The following TTLL11 variants were observed in gnomAD, a reference collection of about 807,000 sequenced individuals.
TTLL11 encodes tubulin tyrosine ligase like 11.
In TTLL11, 42 loss-of-function variants were observed where a neutral mutation model predicts 51.7. The ratio of observed to expected loss-of-function variants is 0.81; its 90% CI spans 0.64 to 1.05. The LOEUF (loss-of-function observed/expected upper bound fraction) is 1.05. Ranked by LOEUF, TTLL11 falls within the 50% of genes least tolerant of loss-of-function variation. The pLI is 0.00. For missense variants in TTLL11, 799 were observed against 940.4 expected (o/e 0.85, Z 1.97); for synonymous variants, 381 against 383.5 (o/e 0.99, Z 0.08).
intron 1 of TTLL11, among the ~76,000 whole-genome samples, chr9:122,085,033 G>A (rs1846090424): frequency 1.3e-5 from 2 of 152,182 alleles, no homozygotes; most frequent in Admixed American, 6.5e-5. Context: ...GCTGAGGCGG[G>A]CAGATCATCT....
intron 6 of TTLL11, among the ~76,000 whole-genome samples, chr9:121,973,320 G>A (rs1842620915): frequency 1.3e-5 from 2 of 152,280 alleles, no homozygotes; most frequent in South Asian, 2.1e-4. Context: ...CTGCAAGAGT[G>A]TAAACATGAA....
Position 122,041,960 on chromosome 9 carries a change from C to A in TTLL11, c.463-2592G>T, listed in dbSNP as rs1489196922. 7.7e-5 allele frequency among the ~76,000 whole-genome samples: 11 copies of A among 142,588 alleles called. No individual in the cohort carries two copies. The East Asian group carries it at 2.2e-3, about 29-fold the overall frequency. 93.5% of individuals were successfully genotyped at this position (142,588 alleles called of 152,430 possible). ...TGGAATTACAAGGGACCCCAAATAG[C>A]AAAAACAATCTTGAAAAAAAAAAAA... is the stretch of plus-strand genomic sequence containing the variant. On this transcript the variant is annotated intron_variant, in intron 1 of 8. Coordinates refer to ENST00000321582, the MANE Select transcript of TTLL11 (RefSeq NM_001139442.2).
In TTLL11 at chr9:121,819,244, G is replaced by A; in HGVS notation, c.*3343C>T. On this transcript the variant is annotated 3_prime_UTR_variant, in exon 9 of 9. Coordinates refer to ENST00000321582, the MANE Select transcript of TTLL11 (RefSeq NM_001139442.2). ...ATTTTGGCCAGGCCGTGAGGACAAA[G>A]CTCCCGCCCCTAACAACAGAAATGC... is the stretch of plus-strand genomic sequence containing the variant. The A allele has an allele frequency of 6.6e-6, 1 of 152,442 alleles. No individual in the cohort carries two copies. Among genetic ancestry groups the A allele is most frequent in the Non-Finnish European group, 1.5e-5 (1 of 68,170 alleles). The allele number at this position is 152,442 out of a possible 1,614,324, so 9.4% of individuals were successfully genotyped here. A position where few individuals can be genotyped will look rare whatever the true frequency, so the allele number is the denominator to read the frequency against.
chr9:121,845,511 G>GT (rs1398673839), intron 8 of TTLL11, among the ~76,000 whole-genome samples: 1 of 152,088 alleles, frequency 6.6e-6, no homozygotes, highest in Non-Finnish European at 1.5e-5. Context: ...ACAATAAAAT[G>GT]TTTTTTCTTA....
At chr9:121,968,392 A>G (rs1162856751) in intron 6 of TTLL11, among the ~76,000 whole-genome samples, 1 of 152,214 alleles carries the variant, frequency 6.6e-6, no homozygotes, top group Non-Finnish European at 1.5e-5. Context: ...AGAACCTTGC[A>G]TTGGTAACCA....
Position 121,995,606 on chromosome 9 carries a change from G to T in TTLL11, c.694-5836C>A, listed in dbSNP as rs1183412912. On this transcript the variant is annotated intron_variant, in intron 3 of 8. Coordinates refer to ENST00000321582, the MANE Select transcript of TTLL11 (RefSeq NM_001139442.2). This position sits in a 1 kb window ranked among gnomAD's most constrained non-coding sequence, Gnocchi z 4.4. ...TTAGGGACTACAGGGAGAGGAGCAG[G>T]TCTCATTGAAGGAAAGTGGGGACAA... Among the ~76,000 whole-genome samples, 1 of 152,142 alleles carries T rather than the reference G, an allele frequency of 6.6e-6. No individual in the cohort carries two copies. The highest frequency in any genetic ancestry group is 2.4e-5 in the African/African-American group (1 of 41,408).
At chr9:122,040,712 C>T (rs968888044) in intron 1 of TTLL11, among the ~76,000 whole-genome samples, 1 of 152,202 alleles carries the variant, frequency 6.6e-6, no homozygotes, top group Non-Finnish European at 1.5e-5. Flanking sequence ...ATACATTCCA[C>T]ATTAAAATGA....
chr9:121,965,684 C>G (rs1047306503), intron 6 of TTLL11, among the ~76,000 whole-genome samples: 1 of 152,178 alleles, frequency 6.6e-6, no homozygotes, highest in Non-Finnish European at 1.5e-5. Context: ...AATCTATTCT[C>G]CAGTCAGAAA....
Position 122,021,197 on chromosome 9 carries a change from G to A in TTLL11, c.693+10526C>T, listed in dbSNP as rs565999469. Among the ~76,000 whole-genome samples the A allele has an allele frequency of 2.0e-5, 3 of 152,220 alleles. No homozygotes were observed. The South Asian group carries it at 6.2e-4, about 32-fold the overall frequency. Reference sequence around the variant, plus strand: ...AGGAATTGAACGATGTGAACCCTAGGATTGCCTCAGATTACTGCCTTGAGA... The same window carrying A: ...AGGAATTGAACGATGTGAACCCTAGAATTGCCTCAGATTACTGCCTTGAGA... On this transcript the variant is annotated intron_variant, in intron 3 of 8. Transcript: ENST00000321582.
chr9:122,063,751 G>A (rs1202276431), intron 1 of TTLL11, among the ~76,000 whole-genome samples: 4 of 152,142 alleles, frequency 2.6e-5, no homozygotes, highest in Non-Finnish European at 5.9e-5. Flanking sequence ...ATTCATCCCA[G>A]TTTGCCCAGG....
At chr9:121,888,566 A>T (rs1839102639) in intron 6 of TTLL11, among the ~76,000 whole-genome samples, 1 of 152,330 alleles carries the variant, frequency 6.6e-6, no homozygotes, top group South Asian at 2.1e-4. Flanking sequence ...CGGAGCAGGG[A>T]ATCAGTCAAT....
intron 6 of TTLL11, among the ~76,000 whole-genome samples, chr9:121,936,167 G>A (rs117845980): frequency 0.015 from 2,292 of 152,224 alleles, 22 homozygotes; most frequent in Middle Eastern, 0.027. Flanking sequence ...GAGAATGTCG[G>A]CCAGTTCTTA....
At chr9:121,866,729 A>G (rs1481294624) in intron 7 of TTLL11, among the ~76,000 whole-genome samples, 1 of 152,074 alleles carries the variant, frequency 6.6e-6, no homozygotes, top group Non-Finnish European at 1.5e-5. Flanking sequence ...TGCTTTCTCC[A>G]TTTCTCCCTG....
intron 6 of TTLL11, among the ~76,000 whole-genome samples, chr9:121,923,380 G>A (rs189535540): frequency 6.6e-6 from 1 of 151,736 alleles, no homozygotes; most frequent in African/African-American, 2.4e-5. Context: ...AGGTGGACAG[G>A]GTCTAGAAGA....
chr9:121,850,183 C>T (rs7468124), intron 8 of TTLL11, among the ~76,000 whole-genome samples: 98,797 of 151,702 alleles, frequency 0.65, 32,475 homozygotes, highest in East Asian at 0.77. Flanking sequence ...TAAATAGATA[C>T]AGATGTAGAT....
chr9:121,858,665 GC>G (rs150895933), intron 8 of TTLL11, among the ~76,000 whole-genome samples: 1,697 of 152,296 alleles, frequency 0.011, 37 homozygotes, highest in African/African-American at 0.039. Flanking sequence ...CAGGCAGACT[GC>G]CCCCAGGATT....
intron 3 of TTLL11, among the ~76,000 whole-genome samples, chr9:122,001,829 G>A (rs570227176): frequency 9.8e-5 from 15 of 152,320 alleles, no homozygotes; most frequent in African/African-American, 3.6e-4. Flanking sequence ...TACACCATGA[G>A]AGTGAGAACA....
chr9:122,056,036 T>C (rs1360430648), intron 1 of TTLL11, among the ~76,000 whole-genome samples: 1 of 152,172 alleles, frequency 6.6e-6, no homozygotes, highest in Non-Finnish European at 1.5e-5. Context: ...ATGCAGGATA[T>C]CCCCCATTCT....
chr9:121,921,463 G>A (rs1291272589), intron 6 of TTLL11, among the ~76,000 whole-genome samples: 2 of 152,042 alleles, frequency 1.3e-5, no homozygotes, highest in Non-Finnish European at 2.9e-5. Context: ...AAAAAAACTC[G>A]CCACAGGATT....
Sources: allele counts gnomAD v4.1 joint callset (sites outside exome capture counted in the v4.1 genomes callset), GRCh38; gene constraint gnomAD v4.1.1; non-coding constraint Gnocchi (gnomAD v3.1); transcripts MANE v1.5; gene names NCBI Gene and HGNC (gene_info 2026-07-23, HGNC 2026-07-21).